Variants in LGALS4 observed in about 807,000 individuals in gnomAD.
The protein encoded by LGALS4 is galectin-4.
Under a neutral mutation model 39.6 loss-of-function variants are expected in LGALS4, and 37 were observed. That is an observed-to-expected ratio of 0.93 (90% CI 0.72 to 1.23). The LOEUF (loss-of-function observed/expected upper bound fraction) is 1.23. Among genes scored for constraint, LGALS4 ranks in the 50% most tolerant of loss-of-function variants. LGALS4 has a pLI of 0.00. For synonymous variants in LGALS4, 160 were observed against 165.5 expected, an observed-to-expected ratio of 0.97 and a Z score of 0.25; for missense variants, 397 against 433.2, an observed-to-expected ratio of 0.92 and a Z score of 0.74.
At chr19:38,812,311 C>T in intron 2 of LGALS4, 120 bp downstream of exon 2, 1 of 774,958 alleles carries the variant, frequency 1.3e-6, no homozygotes, top group Non-Finnish European at 2.1e-6. Flanking sequence ...TTGGGTGGGG[C>T]AGAAAAAGAG....
intron 3 of LGALS4, among the ~76,000 whole-genome samples, chr19:38,808,096 A>G (rs1971444485): frequency 6.6e-6 from 1 of 152,084 alleles, no homozygotes; most frequent in Non-Finnish European, 1.5e-5. Context: ...CTCTCTGAGA[A>G]ACACCCAAGA....
Position 38,806,450 on chromosome 19 carries a change from A to T in LGALS4, c.474+11T>A. The T allele has an allele frequency of 6.2e-7, 1 of 1,613,474 alleles. No individual in the cohort carries two copies. The highest frequency in any genetic ancestry group is 1.1e-5 in the South Asian group (1 of 91,054). ...AAGAAAGGACGCAAGAAGGGATGGG[A>T]CCCCTCACACCTGGGGCCGGAGGGG... On this transcript the variant is annotated intron_variant, in intron 4 of 9. Transcript: ENST00000307751.
intron 2 of LGALS4, among the ~76,000 whole-genome samples, chr19:38,811,811 C>T (rs1019446052): frequency 4.6e-5 from 7 of 151,954 alleles, no homozygotes; most frequent in South Asian, 4.1e-4. Context: ...GTCAGGAGTT[C>T]GAGACCAGCC....
At position 38,801,987 on chromosome 19, in the gene LGALS4, C is replaced by T. The variant is rs1468101409; in HGVS notation, c.825+5G>A. 1.9e-6 allele frequency: 3 copies of T among 1,614,124 alleles called. No homozygotes were observed. Among genetic ancestry groups the T allele is most frequent in the South Asian group, 2.2e-5 (2 of 91,072 alleles). On this transcript the variant is annotated splice_donor_5th_base_variant and intron_variant, in intron 9 of 9. Transcript: ENST00000307751. The stretch of plus-strand genomic sequence containing the variant: ...AGGAAGTGGGAAAAGAGAGCTCAGA[C>T]TCACATCAAAGAACTGTCCGGGACC...
At chr19:38,805,166 A>AAAT (rs3993040) in intron 4 of LGALS4, among the ~76,000 whole-genome samples, 21,802 of 120,754 alleles carry the variant, frequency 0.18, 1,794 homozygotes, top group Non-Finnish European at 0.2. Flanking sequence ...CCTGCCTCAA[A>AAAT]AATAATAATA....
intron 3 of LGALS4, among the ~76,000 whole-genome samples, chr19:38,807,517 C>T (rs909510733): frequency 2.0e-5 from 3 of 151,900 alleles, no homozygotes; most frequent in African/African-American, 2.4e-5. Flanking sequence ...AGGAAACGGC[C>T]GCCCTTCGTC....
chr19:38,802,254 G>A, intron 8 of LGALS4, 62 bp downstream of exon 8: 1 of 1,591,556 alleles, frequency 6.3e-7, no homozygotes, highest in African/African-American at 1.3e-5. Flanking sequence ...GGGACAGAGG[G>A]TCTAGATTGT....
intron 2 of LGALS4, among the ~76,000 whole-genome samples, chr19:38,809,435 T>C (rs374506990): frequency 1.4e-4 from 22 of 151,742 alleles, no homozygotes; most frequent in East Asian, 9.7e-4. Context: ...CTGCCTCGGC[T>C]TCCCAAAGTG....
rs779193512 is a variant in LGALS4 at position 38,802,101 on chromosome 19, G to A, written c.716C>T (p.Pro239Leu). The change falls in exon 9 of 10, where the codon CCC (proline) becomes CTC (leucine). Residue 239 changes from proline to leucine, a missense_variant. Pro to Leu is a moderately conservative substitution (Grantham distance 98, BLOSUM62 -3). Transcript: ENST00000307751. ...SSGDIALHIN[P>L]RMGNGTVVRN... ...GACCACGGTACCGTTGCCCATGCGGGGATTAATGTGCAGAGCTATGTCCCC... is the reference window on the plus strand; with the variant it reads ...GACCACGGTACCGTTGCCCATGCGGAGATTAATGTGCAGAGCTATGTCCCC... 10 of 1,614,196 alleles carry A rather than the reference G, an allele frequency of 6.2e-6. No homozygotes were observed. Among genetic ancestry groups the A allele is most frequent in the Non-Finnish European group, 8.5e-6 (10 of 1,180,034 alleles).
At chr19:38,812,793 G>A (rs1971510186) in intron 1 of LGALS4, 49 bp downstream of exon 1, 1 of 1,594,978 alleles carries the variant, frequency 6.3e-7, no homozygotes, top group African/African-American at 1.3e-5. Context: ...TGGTGTGAGG[G>A]CTTATGGACG....
chr19:38,806,690 T>C, intron 3 of LGALS4, 95 bp from the exon 4 acceptor site: 1 of 1,350,992 alleles, frequency 7.4e-7, no homozygotes, highest in East Asian at 2.3e-5. Flanking sequence ...CTCACGCCTC[T>C]AATCCCAGCA....
chr19:38,809,965 G>A (rs898774817), intron 2 of LGALS4, among the ~76,000 whole-genome samples: 15 of 152,052 alleles, frequency 9.9e-5, no homozygotes, highest in Admixed American at 2.0e-4. Context: ...CACCCATGAC[G>A]CATCATATTC....
In LGALS4 at chr19:38,812,842, C is replaced by T. The variant is rs370248309; in HGVS notation, c.45G>A (p.Pro15=). 9.3e-6 allele frequency: 15 copies of T among 1,611,478 alleles called. No homozygotes were observed. Among genetic ancestry groups the T allele is most frequent in the Non-Finnish European group, 1.1e-5 (13 of 1,179,918 alleles). ...AGTGGGGCCTGAGCTGGCATCTCAC[C>T]GGGTTGTAGGTGGGCTGGTAGCCCG... ...PAPGYQPTYN[P]TLPYYQPIPG... Residue 15 remains proline, a splice_region_variant and synonymous_variant, in exon 1 of 10, where the codon CCG becomes CCA. Coordinates refer to ENST00000307751, the MANE Select transcript of LGALS4 (RefSeq NM_006149.4).
chr19:38,812,693 G>A, intron 1 of LGALS4, 149 bp downstream of exon 1: 1 of 988,820 alleles, frequency 1.0e-6, no homozygotes, highest in East Asian at 2.4e-5. Flanking sequence ...CCTGAGGTCA[G>A]GGTAGGAGTA....
At chr19:38,802,221 C>T in intron 8 of LGALS4, 64 bp from the exon 9 acceptor site, 1 of 1,599,384 alleles carries the variant, frequency 6.3e-7, no homozygotes, top group Non-Finnish European at 8.6e-7. Context: ...GTGGGCTGGA[C>T]CTCTGAATCC....
chr19:38,806,399 A>C (rs1477479897), intron 4 of LGALS4, 62 bp downstream of exon 4: 3 of 1,541,150 alleles, frequency 1.9e-6, no homozygotes, highest in East Asian at 4.5e-5. Context: ...AAAAAGAAAA[A>C]AAATGAATGT....
chr19:38,812,112 G>A (rs1971500878), intron 2 of LGALS4, among the ~76,000 whole-genome samples: 1 of 152,208 alleles, frequency 6.6e-6, no homozygotes, highest in South Asian at 2.1e-4. Context: ...ACACAGAGCT[G>A]GGGAGTGGCA....
At chr19:38,808,658 AAAGG>A (rs1316715966) in intron 3 of LGALS4, 82 bp downstream of exon 3, 45 of 1,077,292 alleles carry the variant, frequency 4.2e-5, no homozygotes, top group Middle Eastern at 2.3e-4. Flanking sequence ...GAAAGAAAGA[AAAGG>A]AAGGAAGGCG....
At chr19:38,810,221 T>C (rs1354133047) in intron 2 of LGALS4, among the ~76,000 whole-genome samples, 2 of 152,128 alleles carry the variant, frequency 1.3e-5, no homozygotes, top group Non-Finnish European at 2.9e-5. Flanking sequence ...AGTGATGCGA[T>C]CTCAGCTCAC....
Sources: gnomAD v4.1 joint callset for allele counts (sites outside exome capture counted in the v4.1 genomes callset) on GRCh38, gnomAD v4.1.1 for gene constraint, MANE v1.5 for transcripts, NCBI Gene and HGNC (gene_info 2026-07-23, HGNC 2026-07-21) for gene names.